Variants in CNTN6 observed in about 807,000 individuals in gnomAD.
CNTN6 encodes the protein contactin-6.
Under a neutral mutation model 122.8 loss-of-function variants are expected in CNTN6, and 137 were observed. The ratio of observed to expected loss-of-function variants is 1.12; its 90% CI spans 0.97 to 1.29. CNTN6 has a LOEUF of 1.29. Ranked by LOEUF, CNTN6 falls within the 50% of genes most tolerant of loss-of-function variation. CNTN6 has a pLI of 0.00. For synonymous variants in CNTN6, 570 were observed against 426.0 expected (o/e 1.34, Z -4.16); for missense variants, 1,634 against 1,223.4 (o/e 1.34, Z -5.01).
intron 7 of CNTN6, among the ~76,000 whole-genome samples, chr3:1,312,670 GT>G (rs1699550800): frequency 6.6e-6 from 1 of 150,802 alleles, no homozygotes; most frequent in East Asian, 2.0e-4. Context: ...AGTTCCTTAG[GT>G]GAAGAATGTA....
At chr3:1,115,759 A>G (rs776182398) in intron 1 of CNTN6, among the ~76,000 whole-genome samples, 34 of 152,158 alleles carry the variant, frequency 2.2e-4, no homozygotes, top group Admixed American at 1.3e-4. Context: ...CTCAAAATAA[A>G]TAAATAAATA....
At chr3:1,388,864 A>T (rs907353894) in intron 20 of CNTN6, among the ~76,000 whole-genome samples, 1 of 141,790 alleles carries the variant, frequency 7.1e-6, no homozygotes, top group African/African-American at 2.7e-5. Flanking sequence ...GTTTAGAGAA[A>T]AAAGAATAAA....
At chr3:1,183,552 A>G (rs12489312) in intron 2 of CNTN6, among the ~76,000 whole-genome samples, 19,724 of 151,866 alleles carry the variant, frequency 0.13, 1,416 homozygotes, top group Middle Eastern at 0.18. Flanking sequence ...AATCCTTGGC[A>G]TTACTTATTT....
chr3:1,294,597 C>A (rs144923591), intron 5 of CNTN6, among the ~76,000 whole-genome samples: 1 of 152,230 alleles, frequency 6.6e-6, no homozygotes, highest in Non-Finnish European at 1.5e-5. Context: ...CAGTTACCCA[C>A]AAGATTTCCA....
intron 2 of CNTN6, among the ~76,000 whole-genome samples, chr3:1,158,846 A>ATGTGTGTG (rs371063023): frequency 0.25 from 21,179 of 84,412 alleles, 2,623 homozygotes; most frequent in East Asian, 0.38. Context: ...ACACATATAT[A>ATGTGTGTG]TACATACATA....
At chr3:1,319,602 T>C (rs1429930727) in intron 7 of CNTN6, among the ~76,000 whole-genome samples, 2 of 151,626 alleles carry the variant, frequency 1.3e-5, no homozygotes, top group Admixed American at 6.6e-5. Context: ...TTTTTACTTA[T>C]ATTTTGTCTG....
chr3:1,346,087 T>G (rs2126054398), intron 11 of CNTN6, among the ~76,000 whole-genome samples: 1 of 152,262 alleles, frequency 6.6e-6, no homozygotes, highest in African/African-American at 2.4e-5. Context: ...CTGGAGCATT[T>G]CTTATTTTCC....
At chr3:1,364,881 A>G (rs768906571) in intron 12 of CNTN6, among the ~76,000 whole-genome samples, 1 of 152,106 alleles carries the variant, frequency 6.6e-6, no homozygotes, top group Non-Finnish European at 1.5e-5. Flanking sequence ...AGCTGTTTTT[A>G]TATAATAACT....
intron 1 of CNTN6, among the ~76,000 whole-genome samples, chr3:1,097,566 A>C (rs1260201473): frequency 6.6e-6 from 1 of 152,198 alleles, no homozygotes; most frequent in Non-Finnish European, 1.5e-5. Flanking sequence ...TCTTGAGCTG[A>C]AGTGCCGCCC....
At chr3:1,399,337 G>A (rs1277081899) in intron 20 of CNTN6, among the ~76,000 whole-genome samples, 1 of 147,152 alleles carries the variant, frequency 6.8e-6, no homozygotes, top group African/African-American at 2.4e-5. Flanking sequence ...AGTTGAGGAA[G>A]GATAGTTACA....
At chr3:1,246,130 G>T (rs1374932696) in intron 4 of CNTN6, among the ~76,000 whole-genome samples, 1 of 152,048 alleles carries the variant, frequency 6.6e-6, no homozygotes, top group Non-Finnish European at 1.5e-5. Context: ...ATGAAGTATT[G>T]TTAAGCCAGA....
At chr3:1,257,558 T>A (rs1054486157) in intron 4 of CNTN6, among the ~76,000 whole-genome samples, 6 of 152,140 alleles carry the variant, frequency 3.9e-5, no homozygotes, top group African/African-American at 1.4e-4. Flanking sequence ...CCCTGCCCTA[T>A]GAAATTTCCC....
intron 1 of CNTN6, among the ~76,000 whole-genome samples, chr3:1,095,810 G>C (rs72993889): frequency 0.05 from 7,557 of 152,292 alleles, 260 homozygotes; most frequent in Non-Finnish European, 0.074. Flanking sequence ...AACTACATCA[G>C]TTTTACATTA....
intron 5 of CNTN6, among the ~76,000 whole-genome samples, chr3:1,289,670 T>TG (rs139014851): frequency 0.11 from 13,144 of 118,728 alleles, 2,006 homozygotes; most frequent in African/African-American, 0.34. Context: ...TGTTTTGTTT[T>TG]TTTGGGTTTT....
intron 5 of CNTN6, among the ~76,000 whole-genome samples, chr3:1,292,604 G>T (rs79103531): frequency 0.098 from 14,887 of 152,120 alleles, 798 homozygotes; most frequent in African/African-American, 0.15. Context: ...GTGGGAATCA[G>T]TGCCTGCATA....
At chr3:1,113,663 T>C (rs1347584514) in intron 1 of CNTN6, among the ~76,000 whole-genome samples, 1 of 152,176 alleles carries the variant, frequency 6.6e-6, no homozygotes, top group African/African-American at 2.4e-5. Context: ...TGCTGTGTTA[T>C]ATGTTTAAGG....
At chr3:1,124,494 C>G (rs2092084569) in intron 1 of CNTN6, among the ~76,000 whole-genome samples, 1 of 151,824 alleles carries the variant, frequency 6.6e-6, no homozygotes, top group Non-Finnish European at 1.5e-5. Context: ...TCCGAACATC[C>G]TGTCCCATAA....
rs956887882 is a variant in CNTN6, at chr3:1,147,867, G to T, written c.-82-60G>T. The T allele has an allele frequency of 7.2e-6, 4 of 553,626 alleles. No individual in the cohort carries two copies. The African/African-American group carries it at 7.5e-5, about 10-fold the overall frequency. 34.3% of individuals were successfully genotyped at this position (553,626 alleles called of 1,614,324 possible). On this transcript the variant is annotated intron_variant, in intron 1 of 22. Coordinates refer to ENST00000446702, the MANE Select transcript of CNTN6 (RefSeq NM_001289080.2). Reference sequence around the variant, plus strand: ...TTGAATTAATATGCAACAAAAATATGCTTATTAAAATATTCGTGTTTGTAC... The same window carrying T: ...TTGAATTAATATGCAACAAAAATATTCTTATTAAAATATTCGTGTTTGTAC...
chr3:1,111,656 C>G (rs1173828974), intron 1 of CNTN6, among the ~76,000 whole-genome samples: 3 of 152,128 alleles, frequency 2.0e-5, no homozygotes, highest in Non-Finnish European at 4.4e-5. Context: ...CAACATCTGT[C>G]AATTACTGAG....
Sources: gnomAD v4.1 joint callset for allele counts (sites outside exome capture counted in the v4.1 genomes callset) on GRCh38, gnomAD v4.1.1 for gene constraint, MANE v1.5 for transcripts, NCBI Gene and HGNC (gene_info 2026-07-23, HGNC 2026-07-21) for gene names.